CHD1: variants seen among roughly 807,000 people sequenced by gnomAD.
The protein encoded by CHD1 is ATP-dependent chromatin remodeler CHD1.
In CHD1, 36 loss-of-function variants were observed where a neutral mutation model predicts 224.2. That is an observed-to-expected ratio of 0.16 (90% CI 0.12 to 0.21). CHD1 has a LOEUF of 0.21. Among genes scored for constraint, CHD1 ranks in the 10% least tolerant of loss-of-function variants. The pLI, the probability that CHD1 is intolerant of heterozygous loss-of-function variation, is 1.00. For missense variants in CHD1, 1,378 were observed against 1,994.8 expected, an observed-to-expected ratio of 0.69 and a Z score of 5.89; for synonymous variants, 668 against 658.3, an observed-to-expected ratio of 1.01 and a Z score of -0.23.
chr5:98,887,130 G>A (rs1750702775), intron 17 of CHD1, among the ~76,000 whole-genome samples: 1 of 152,102 alleles, frequency 6.6e-6, no homozygotes, highest in Non-Finnish European at 1.5e-5. Flanking sequence ...TACTTTAAAT[G>A]AGTAAACTGT....
intron 28 of CHD1, among the ~76,000 whole-genome samples, chr5:98,871,281 G>A (rs1199791671): frequency 7.5e-6 from 1 of 133,954 alleles, no homozygotes; most frequent in Non-Finnish European, 1.5e-5. Context: ...TTTCTTCACA[G>A]TAACAAATGA....
chr5:98,924,627 C>T (rs2112670004), intron 2 of CHD1, among the ~76,000 whole-genome samples: 1 of 152,220 alleles, frequency 6.6e-6, no homozygotes, highest in South Asian at 2.1e-4. Flanking sequence ...CTTGCTTATC[C>T]AAACAGTATG....
intron 25 of CHD1, among the ~76,000 whole-genome samples, chr5:98,874,082 C>T (rs1228571324): frequency 1.1e-5 from 1 of 88,702 alleles, no homozygotes; most frequent in Non-Finnish European, 2.1e-5. Flanking sequence ...TATTACTGTG[C>T]ACCAAATAGA....
intron 2 of CHD1, among the ~76,000 whole-genome samples, chr5:98,925,238 C>T (rs1753377754): frequency 6.6e-6 from 1 of 152,092 alleles, no homozygotes; most frequent in African/African-American, 2.4e-5. Flanking sequence ...CATGAAGCAT[C>T]TCAATCCTCA....
chr5:98,924,019 G>A (rs1289735218), intron 2 of CHD1, among the ~76,000 whole-genome samples: 4 of 152,200 alleles, frequency 2.6e-5, no homozygotes, highest in Middle Eastern at 3.2e-3. Flanking sequence ...ACTTTGGGAG[G>A]CCAAGGTGGG....
chr5:98,927,940 A>T (rs895068229), intron 1 of CHD1, among the ~76,000 whole-genome samples: 1 of 152,196 alleles, frequency 6.6e-6, no homozygotes, highest in Admixed American at 6.5e-5. Context: ...TAAGTTATTA[A>T]ACCTCTTCAA....
At chr5:98,871,420 C>T (rs969416947) in intron 28 of CHD1, among the ~76,000 whole-genome samples, 2 of 122,542 alleles carry the variant, frequency 1.6e-5, no homozygotes, top group African/African-American at 6.4e-5. Context: ...TAGCACAGTG[C>T]AACCAAATGA....
chr5:98,860,002 C>T lies in CHD1; in HGVS notation c.4494G>A (p.Lys1498=), dbSNP rs1049321788. 1.3e-5 allele frequency: 20 copies of T among 1,548,466 alleles called. No homozygotes were observed. Among genetic ancestry groups the T allele is most frequent in the Admixed American group, 2.1e-5 (1 of 48,396 alleles). ...ACTCCTGCCGTTTTTTAATAGCATG[C>T]TTATATAATTTATGTAATTTTCTTG... is the stretch of plus-strand genomic sequence containing the variant. The part of the protein sequence containing the change: ...FDARKLHKLY[K]HAIKKRQESQ... The change falls in exon 33 of 36, where the codon AAG becomes AAA. Residue 1498 remains lysine (K), a synonymous_variant. Coordinates refer to ENST00000614616, the MANE Select transcript of CHD1 (RefSeq NM_001270.4).
At chr5:98,869,650 ACAGAC>A in intron 30 of CHD1, 99 bp downstream of exon 30, 4 of 1,225,050 alleles carry the variant, frequency 3.3e-6, no homozygotes, top group Non-Finnish European at 4.7e-6. Flanking sequence ...ACACACACAC[ACAGAC>A]TTCGGTACCT....
intron 19 of CHD1, 51 bp downstream of exon 19, chr5:98,883,037 A>C: frequency 8.3e-7 from 1 of 1,200,086 alleles, no homozygotes; most frequent in Non-Finnish European, 1.1e-6. Context: ...TTCCAAAAAA[A>C]AAAAAAGAAT....
At chr5:98,912,970 T>C (rs763943968) in intron 2 of CHD1, among the ~76,000 whole-genome samples, 3 of 152,182 alleles carry the variant, frequency 2.0e-5, no homozygotes, top group Non-Finnish European at 4.4e-5. Context: ...TAGATTCCAG[T>C]TGGGGGTGCT....
In CHD1 at chr5:98,894,629, A is replaced by G; in HGVS notation, c.1768T>C (p.Leu590=). ...QTKRLKFNIL[L]TTYEILLKDK... ...TTTAATAAAATTTCATAAGTTGTTAACAATATATTAAATTTTAACCGTTTG... is the reference window on the plus strand; with the variant it reads ...TTTAATAAAATTTCATAAGTTGTTAGCAATATATTAAATTTTAACCGTTTG... Residue 590 remains leucine, a synonymous_variant, in exon 13 of 36, where the codon TTA becomes CTA. Coordinates refer to ENST00000614616, the MANE Select transcript of CHD1 (RefSeq NM_001270.4). The G allele has an allele frequency of 1.4e-6, 2 of 1,449,284 alleles. No homozygotes were observed. The highest frequency in any genetic ancestry group is 1.4e-5 in the African/African-American group (1 of 70,242). 89.8% of individuals were successfully genotyped at this position (1,449,284 alleles called of 1,614,324 possible).
chr5:98,871,534 T>C (rs544093104), intron 28 of CHD1, among the ~76,000 whole-genome samples: 1 of 152,040 alleles, frequency 6.6e-6, no homozygotes, highest in East Asian at 1.9e-4. Flanking sequence ...GGTACAAATA[T>C]ATAGTTAGAT....
intron 35 of CHD1, 52 bp from the exon 36 acceptor site, chr5:98,856,777 T>C (rs1748066137): frequency 8.5e-7 from 1 of 1,183,204 alleles, no homozygotes; most frequent in Admixed American, 2.3e-5. Flanking sequence ...TTAAAATGTT[T>C]CCAAATAAAA....
intron 32 of CHD1, among the ~76,000 whole-genome samples, chr5:98,861,274 A>T (rs1301813867): frequency 6.6e-6 from 1 of 152,200 alleles, no homozygotes; most frequent in African/African-American, 2.4e-5. Flanking sequence ...CATTTTCTAC[A>T]ATACTATTAA....
intron 32 of CHD1, 53 bp from the exon 33 acceptor site, chr5:98,860,121 G>C (rs1561476203): frequency 9.9e-7 from 1 of 1,006,518 alleles, no homozygotes; most frequent in Non-Finnish European, 1.6e-6. Flanking sequence ...AAAATATTTA[G>C]TTTTTTTCAT....
chr5:98,919,182 T>C (rs1268476424), intron 2 of CHD1, among the ~76,000 whole-genome samples: 1 of 152,206 alleles, frequency 6.6e-6, no homozygotes, highest in Non-Finnish European at 1.5e-5. Flanking sequence ...TCAGTAGATC[T>C]GGGACCTTTT....
rs1031189570 is a variant in CHD1, at chr5:98,888,789, G to A, written c.2343+287C>T. 3.9e-5 allele frequency among the ~76,000 whole-genome samples: 6 copies of A among 152,210 alleles called. No individual in the cohort carries two copies. In the East Asian group the frequency reaches 9.6e-4, roughly 24 times the overall value. On this transcript the variant is annotated intron_variant, in intron 16 of 35. Coordinates refer to ENST00000614616, the MANE Select transcript of CHD1 (RefSeq NM_001270.4). Reference sequence around the variant, plus strand: ...CAAATGCAGCACAATTACTATTAACGATTTTTTCATAATTATGAACATACT... The same window carrying A: ...CAAATGCAGCACAATTACTATTAACAATTTTTTCATAATTATGAACATACT...
intron 2 of CHD1, among the ~76,000 whole-genome samples, chr5:98,911,808 C>T (rs183952822): frequency 6.0e-4 from 91 of 152,024 alleles, no homozygotes; most frequent in Admixed American, 2.2e-3. Flanking sequence ...TTTCAAAATG[C>T]CAATGTCATG....
Sources: gnomAD v4.1 joint callset for allele counts (sites outside exome capture counted in the v4.1 genomes callset) on GRCh38, gnomAD v4.1.1 for gene constraint, MANE v1.5 for transcripts, NCBI Gene and HGNC (gene_info 2026-07-23, HGNC 2026-07-21) for gene names.